The following SNX17 variants were observed in gnomAD, a reference collection of about 807,000 sequenced individuals.
SNX17 encodes the protein sorting nexin-17.
A neutral mutation model predicts 64.3 loss-of-function variants in SNX17; 35 were observed. The ratio of observed to expected loss-of-function variants is 0.54; its 90% CI spans 0.42 to 0.72. SNX17 has a LOEUF of 0.72. Ranked by LOEUF, SNX17 falls within the 30% of genes least tolerant of loss-of-function variation. The probability of loss-of-function intolerance (pLI) is 0.00; values close to 1 mark genes in which losing one functional copy is unlikely to be tolerated. For missense variants in SNX17, 538 were observed against 610.0 expected, an observed-to-expected ratio of 0.88 and a Z score of 1.24; for synonymous variants, 259 against 230.2, an observed-to-expected ratio of 1.13 and a Z score of -1.13.
chr2:27,371,476 C>T (rs1406007589), intron 2 of SNX17, 133 bp downstream of exon 2: 1 of 1,412,664 alleles, frequency 7.1e-7, no homozygotes, highest in South Asian at 1.5e-5. Flanking sequence ...AGGGTAGGGC[C>T]CTGGTTTATC....
In SNX17 at chr2:27,376,723, C is replaced by G. The variant is rs765566329; in HGVS notation, c.*4C>G. On this transcript the variant is annotated 3_prime_UTR_variant, in exon 15 of 15. Coordinates refer to ENST00000233575, the MANE Select transcript of SNX17 (RefSeq NM_014748.4). ...CATTGGAGATGAGGATCTGTAATCT[C>G]CACTGCTTGGATGTCTGCCCTCTAC... The G allele has an allele frequency of 6.2e-7, 1 of 1,611,276 alleles. No homozygotes were observed. Among genetic ancestry groups the G allele is most frequent in the Non-Finnish European group, 8.5e-7 (1 of 1,177,504 alleles).
Position 27,370,779 on chromosome 2 carries a change from C to T in SNX17, c.36C>T (p.Ser12=), listed in dbSNP as rs111240887. The T allele has an allele frequency of 1.1e-3, 1,639 of 1,546,982 alleles. 12 individuals carry two copies. The African/African-American group carries it at 0.02, about 19-fold the overall frequency. Residue 12 remains serine (S), a synonymous_variant, in exon 1 of 15, where the codon AGC becomes AGT. Coordinates refer to ENST00000233575, the MANE Select transcript of SNX17 (RefSeq NM_014748.4). ...HFSIPETESR[S]GDSGGSAYVA... Reference sequence around the variant, plus strand: ...CCATTCCCGAAACCGAGTCCCGCAGCGGGGACAGCGGCGGCTCCGCCTACG... The same window carrying T: ...CCATTCCCGAAACCGAGTCCCGCAGTGGGGACAGCGGCGGCTCCGCCTACG...
chr2:27,370,823 G>T lies in SNX17; in HGVS notation c.63+17G>T, dbSNP rs575543688. ...GCCTACGTGGTGAGGAGCGGCCGGAGCCGAGCCGGGCCGGGCAGGGGCGGG... is the reference window on the plus strand; with the variant it reads ...GCCTACGTGGTGAGGAGCGGCCGGATCCGAGCCGGGCCGGGCAGGGGCGGG... On this transcript the variant is annotated intron_variant, in intron 1 of 14. Transcript: ENST00000233575. The T allele has an allele frequency of 3.9e-4, 602 of 1,537,770 alleles. 2 individuals carry two copies. In the East Asian group the frequency reaches 8.5e-3, roughly 22 times the overall value.
Position 27,376,960 on chromosome 2 carries a change from G to A in SNX17, c.*241G>A. The A allele has an allele frequency of 1.9e-6, 1 of 535,132 alleles. No individual in the cohort carries two copies. The highest frequency in any genetic ancestry group is 3.4e-6 in the Non-Finnish European group (1 of 296,784). The allele number at this position is 535,132 out of a possible 1,614,324, so 33.1% of individuals were successfully genotyped here. The stretch of plus-strand genomic sequence containing the variant: ...ATGCCAAATTAGCATTTAGTATTTT[G>A]CACAAAGTCTAAGGGACCATGGCTG... On this transcript the variant is annotated 3_prime_UTR_variant, in exon 15 of 15. Transcript: ENST00000233575.
At position 27,374,333 on chromosome 2, in the gene SNX17, T is replaced by C. The variant is rs1283793746; in HGVS notation, c.524-13T>C. ...TCTCACTATATTTTCATTTTTTTTT[T>C]TTTAACCTGTAGTTGTACGGAAGTT... On this transcript the variant is annotated splice_polypyrimidine_tract_variant and intron_variant, in intron 6 of 14. Coordinates refer to ENST00000233575, the MANE Select transcript of SNX17 (RefSeq NM_014748.4). 1 of 1,610,530 alleles carries C rather than the reference T, an allele frequency of 6.2e-7. No individual in the cohort carries two copies.
At position 27,377,203 on chromosome 2, in the gene SNX17, GC is replaced by G. The variant is rs1683338435; in HGVS notation, c.*486del. 1 of 487,214 alleles carries G rather than the reference GC, an allele frequency of 2.1e-6. No individual in the cohort carries two copies. Among genetic ancestry groups the G allele is most frequent in the African/African-American group, 1.9e-5 (1 of 51,406 alleles). The allele number at this position is 487,214 out of a possible 1,614,324, so 30.2% of individuals were successfully genotyped here. On this transcript the variant is annotated 3_prime_UTR_variant, in exon 15 of 15. Coordinates refer to ENST00000233575, the MANE Select transcript of SNX17 (RefSeq NM_014748.4). This position sits in a 1 kb window ranked among gnomAD's most constrained non-coding sequence, Gnocchi z 4.4. ...ACTATGCTAAGGGTAAGGCCAAATT[GC>G]CTGCCATTGCCAATTCAGCATAGAC...
At position 27,377,384 on chromosome 2, in the gene SNX17, A is replaced by C. The variant is rs763506609; in HGVS notation, c.*665A>C. 42 of 781,880 alleles carry C rather than the reference A, an allele frequency of 5.4e-5. 1 individual carries two copies. The highest frequency in any genetic ancestry group is 1.0e-4 in the Admixed American group (5 of 50,144). 48.4% of individuals were successfully genotyped at this position (781,880 alleles called of 1,614,324 possible). A position where few individuals can be genotyped will look rare whatever the true frequency, so the allele number is the denominator to read the frequency against. On this transcript the variant is annotated 3_prime_UTR_variant, in exon 15 of 15. Transcript: ENST00000233575. This position sits in a 1 kb window ranked among gnomAD's most constrained non-coding sequence, Gnocchi z 4.4. ...TCTCACTGAGCTCGTGAAGTGCCTC[A>C]GTCAAGGCAAGGTCCCCTGGTCCAT...
Position 27,372,634 on chromosome 2 carries a change from G to A in SNX17, c.150G>A (p.Glu50=). 1 of 1,614,222 alleles carries A rather than the reference G, an allele frequency of 6.2e-7. No individual in the cohort carries two copies. The highest frequency in any genetic ancestry group is 8.5e-7 in the Non-Finnish European group (1 of 1,180,038). The change falls in exon 3 of 15, where the codon GAG becomes GAA. Residue 50 remains glutamate, a synonymous_variant. Transcript: ENST00000233575. ...LLGLHEQLRK[E]YGANVLPAFP... is the part of the protein sequence containing the mutation. ...CTTTCTCTAAATAGCTTCGGAAGGAGTATGGGGCCAATGTGCTTCCTGCAT... is the reference window on the plus strand; with the variant it reads ...CTTTCTCTAAATAGCTTCGGAAGGAATATGGGGCCAATGTGCTTCCTGCAT...
In SNX17 at chr2:27,375,809, CAG is replaced by C. The variant is rs751703965; in HGVS notation, c.979-34_979-33del. On this transcript the variant is annotated intron_variant, in intron 10 of 14. Transcript: ENST00000233575. This position sits in a 1 kb window ranked among gnomAD's most constrained non-coding sequence, Gnocchi z 4.1. ...GGGTCAGGGAGCCAGACAGGTTGGTCAGAGTGAACTCAACCGAATTCCCCTTC... is the reference window on the plus strand; with the variant it reads ...GGGTCAGGGAGCCAGACAGGTTGGTCAGTGAACTCAACCGAATTCCCCTTC... The C allele has an allele frequency of 6.2e-7, 1 of 1,611,222 alleles. No individual in the cohort carries two copies.
intron 2 of SNX17, 142 bp downstream of exon 2, chr2:27,371,485 T>C: frequency 7.1e-7 from 1 of 1,400,110 alleles, no homozygotes; most frequent in Non-Finnish European, 9.3e-7. Flanking sequence ...CCCTGGTTTA[T>C]CTTGTCTGAC....
Position 27,373,272 on chromosome 2 carries a change from C to T in SNX17, c.282C>T (p.Ser94=). Residue 94 remains serine (S), a synonymous_variant, in exon 4 of 15, where the codon AGC becomes AGT. Coordinates refer to ENST00000233575, the MANE Select transcript of SNX17 (RefSeq NM_014748.4). ...TTCGGCAAGACCCATTGCTTGGGAG[C>T]AGCGAGACTTTCAACAGTTTCCTGC... ...QAVRQDPLLG[S]SETFNSFLRR... The T allele has an allele frequency of 6.2e-7, 1 of 1,614,196 alleles. No homozygotes were observed. The highest frequency in any genetic ancestry group is 8.5e-7 in the Non-Finnish European group (1 of 1,180,022).
chr2:27,376,288 A>C (rs1572645510), intron 12 of SNX17, 25 bp from the exon 13 acceptor site: 4 of 1,611,686 alleles, frequency 2.5e-6, no homozygotes, highest in Non-Finnish European at 3.4e-6. Context: ...TCCTGCCCTC[A>C]CCGGCACCTT....
Position 27,373,897 on chromosome 2 carries a change from G to A in SNX17, c.358G>A (p.Glu120Lys), listed in dbSNP as rs1217182103. ...QQVPTEEVSLEVLLSNGQKVL... is the reference protein window; with the variant it reads ...QQVPTEEVSLKVLLSNGQKVL... ...GGTCCCCACAGAGGAAGTGTCCTTG[G>A]AAGTGCTGCTCAGCAACGGGCAGAA... is the stretch of plus-strand genomic sequence containing the variant. The change falls in exon 5 of 15, where the codon GAA becomes AAA. Residue 120 changes from glutamate to lysine, a missense_variant. Glu to Lys is a moderately conservative substitution (Grantham distance 56). Around this residue, in one of 3 missense-constraint regions of SNX17, gnomAD observed 505 missense variants for 550.4 expected, o/e 0.92. Transcript: ENST00000233575. 2 of 1,614,064 alleles carry A rather than the reference G, an allele frequency of 1.2e-6. No individual in the cohort carries two copies. The highest frequency in any genetic ancestry group is 2.2e-5 in the East Asian group (1 of 44,884).
chr2:27,374,593 A>G, intron 7 of SNX17, 96 bp from the exon 8 acceptor site: 3 of 1,318,410 alleles, frequency 2.3e-6, no homozygotes, highest in Non-Finnish European at 3.3e-6. Context: ...AGCCCCTGAT[A>G]GTTCCAGATT....
rs1428960753 is a variant in SNX17, at chr2:27,376,299, G to A, written c.1183-14G>A. The A allele has an allele frequency of 5.0e-6, 8 of 1,611,772 alleles. No homozygotes were observed. The highest frequency in any genetic ancestry group is 5.9e-6 in the Non-Finnish European group (7 of 1,178,418). On this transcript the variant is annotated splice_polypyrimidine_tract_variant and intron_variant, in intron 12 of 14. Transcript: ENST00000233575. ...GTGATCCTGCCCTCACCGGCACCTT[G>A]TGTCTGTCCCCAGATGCTGCGCCGG...
intron 2 of SNX17, chr2:27,371,682 A>T (rs1682571787): frequency 4.6e-6 from 1 of 217,842 alleles, no homozygotes; most frequent in Admixed American, 5.4e-5. Context: ...TCTGAGCGGC[A>T]ACTTGAAATT....
Position 27,376,802 on chromosome 2 carries a change from C to A in SNX17, c.*83C>A. 1 of 1,167,256 alleles carries A rather than the reference C, an allele frequency of 8.6e-7. No individual in the cohort carries two copies. The highest frequency in any genetic ancestry group is 1.3e-5 in the South Asian group (1 of 76,684). The allele number at this position is 1,167,256 out of a possible 1,614,324, so 72.3% of individuals were successfully genotyped here. On this transcript the variant is annotated 3_prime_UTR_variant, in exon 15 of 15. Transcript: ENST00000233575. ...GTGCCTGTGTCCCCCATGCTAGGGG[C>A]GGAGGGGTCTTTTCCTTCTTCTTTC...
In SNX17 at chr2:27,370,645, A is replaced by C; in HGVS notation, c.-99A>C. The C allele has an allele frequency of 1.4e-6, 2 of 1,462,706 alleles. No individual in the cohort carries two copies. Among genetic ancestry groups the C allele is most frequent in the Non-Finnish European group, 1.8e-6 (2 of 1,105,130 alleles). The allele number at this position is 1,462,706 out of a possible 1,614,324, so 90.6% of individuals were successfully genotyped here. On this transcript the variant is annotated 5_prime_UTR_variant, in exon 1 of 15. Transcript: ENST00000233575. ...GGATCGCAGGGCTCCCAAAATGGCG[A>C]GTGAGGCTGCGGGGACTCGCTGAGC... is the stretch of plus-strand genomic sequence containing the variant.
Position 27,370,680 on chromosome 2 carries a change from GGAGCGTGCA to G in SNX17, c.-59_-51del. The G allele has an allele frequency of 6.7e-7, 1 of 1,497,238 alleles. No homozygotes were observed. The highest frequency in any genetic ancestry group is 2.5e-5 in the East Asian group (1 of 39,944). The allele number at this position is 1,497,238 out of a possible 1,614,324, so 92.7% of individuals were successfully genotyped here. A position where few individuals can be genotyped will look rare whatever the true frequency, so the allele number is the denominator to read the frequency against. On this transcript the variant is annotated 5_prime_UTR_variant, in exon 1 of 15. Coordinates refer to ENST00000233575, the MANE Select transcript of SNX17 (RefSeq NM_014748.4). ...CGGGGACTCGCTGAGCAGCGGAGGG[GGAGCGTGCA>G]GAGCCGCTGCGGCCCTCACAGTCCG...
Sources: gnomAD v4.1 joint callset for allele counts on GRCh38, gnomAD v4.1.1 for gene constraint, gnomAD v4.1.1 regional missense constraint, Gnocchi (gnomAD v3.1) non-coding constraint, MANE v1.5 for transcripts, NCBI Gene and HGNC (gene_info 2026-07-23, HGNC 2026-07-21) for gene names.